Variants in HDAC9 observed in about 807,000 individuals in gnomAD.
HDAC9 encodes the protein MEF-2 interacting transcription repressor (MITR) protein.
A neutral mutation model predicts 139.4 loss-of-function variants in HDAC9; 41 were observed. The observed-to-expected ratio is 0.29, with a 90% CI of 0.23 to 0.38. The LOEUF (loss-of-function observed/expected upper bound fraction) is 0.38, where lower values mean the gene tolerates loss of function less well. Among genes scored for constraint, HDAC9 ranks in the 10% least tolerant of loss-of-function variants. The pLI, the probability that HDAC9 is intolerant of heterozygous loss-of-function variation, is 1.00. For synonymous variants in HDAC9, 517 were observed against 476.2 expected, an observed-to-expected ratio of 1.09 and a Z score of -1.12; for missense variants, 1,147 against 1,297.0, an observed-to-expected ratio of 0.88 and a Z score of 1.78.
intron 2 of HDAC9, among the ~76,000 whole-genome samples, chr7:18,228,573 A>G (rs180748118): frequency 6.6e-6 from 1 of 152,314 alleles, no homozygotes; most frequent in Admixed American, 6.5e-5. Context: ...GGTGAGACCA[A>G]GAAGTGAGAA....
intron 1 of HDAC9, among the ~76,000 whole-genome samples, chr7:18,454,180 C>G (rs773736952): frequency 1.3e-5 from 2 of 151,976 alleles, no homozygotes; most frequent in African/African-American, 4.8e-5. Context: ...TTAATCTTAT[C>G]AAAATACTGG....
chr7:18,186,425 A>G (rs1219132380), intron 2 of HDAC9, among the ~76,000 whole-genome samples: 1 of 152,270 alleles, frequency 6.6e-6, no homozygotes, highest in African/African-American at 2.4e-5. Flanking sequence ...GACTTGTGGT[A>G]GGATGGTGCT....
chr7:18,328,259 C>T (rs1411330059), intron 1 of HDAC9, among the ~76,000 whole-genome samples: 1 of 151,838 alleles, frequency 6.6e-6, no homozygotes, highest in African/African-American at 2.4e-5. Flanking sequence ...TGCCTTTACT[C>T]GTTTATTGAA....
intron 1 of HDAC9, among the ~76,000 whole-genome samples, chr7:18,453,122 T>G (rs1793032831): frequency 6.6e-6 from 1 of 152,204 alleles, no homozygotes; most frequent in South Asian, 2.1e-4. Context: ...CTTAGGAACT[T>G]CTCTAATTGT....
At chr7:18,135,484 G>T (rs1785330581) in intron 1 of HDAC9, among the ~76,000 whole-genome samples, 1 of 125,148 alleles carries the variant, frequency 8.0e-6, no homozygotes, top group Non-Finnish European at 1.6e-5. Flanking sequence ...CCCAGAGTGT[G>T]ATATTCCCCT....
intron 2 of HDAC9, among the ~76,000 whole-genome samples, chr7:18,570,198 A>G (rs550922363): frequency 1.3e-5 from 2 of 152,334 alleles, no homozygotes; most frequent in East Asian, 3.9e-4. Flanking sequence ...AAAAACAAAA[A>G]AAAATGCTAA....
chr7:18,291,678 A>G (rs1420209611), intron 1 of HDAC9, among the ~76,000 whole-genome samples: 2 of 152,078 alleles, frequency 1.3e-5, no homozygotes, highest in African/African-American at 2.4e-5. Context: ...AAAAGTCTCC[A>G]TTGAGATATC....
intron 1 of HDAC9, among the ~76,000 whole-genome samples, chr7:18,307,130 TGTGTGTGTG>T (rs1562861093): frequency 3.6e-4 from 54 of 151,634 alleles, no homozygotes; most frequent in African/African-American, 1.2e-3. Flanking sequence ...TGTGTGTGTG[TGTGTGTGTG>T]TGTGTTTGTA....
At chr7:18,397,546 T>TCCCATC (rs929803145) in intron 1 of HDAC9, among the ~76,000 whole-genome samples, 9 of 152,168 alleles carry the variant, frequency 5.9e-5, no homozygotes, top group Non-Finnish European at 1.3e-4. Context: ...ACATTTAGCT[T>TCCCATC]CCCATCCTCC....
At chr7:18,128,013 A>G (rs1306819343) in intron 1 of HDAC9, among the ~76,000 whole-genome samples, 1 of 152,136 alleles carries the variant, frequency 6.6e-6, no homozygotes, top group African/African-American at 2.4e-5. Context: ...CTTTTACAAT[A>G]CAATTTTTAT....
upstream of HDAC9, among the ~76,000 whole-genome samples, chr7:18,492,212 A>T (rs538046644): frequency 1.3e-5 from 2 of 152,024 alleles, no homozygotes; most frequent in South Asian, 2.1e-4. Flanking sequence ...GACCTAAGGG[A>T]TTTAGACCTT....
intron 25 of HDAC9, among the ~76,000 whole-genome samples, chr7:18,989,436 T>G (rs1223173350): frequency 2.6e-5 from 4 of 152,002 alleles, no homozygotes; most frequent in Admixed American, 6.6e-5. Context: ...CTTAGTCTGA[T>G]GGGCTTCCCT....
chr7:18,291,780 G>A (rs1282519516), intron 1 of HDAC9, among the ~76,000 whole-genome samples: 1 of 152,146 alleles, frequency 6.6e-6, no homozygotes, highest in East Asian at 1.9e-4. Flanking sequence ...AGTTATCTGA[G>A]GTTGTCTTGC....
chr7:18,391,577 C>T (rs922834138), intron 1 of HDAC9, among the ~76,000 whole-genome samples: 1 of 152,176 alleles, frequency 6.6e-6, no homozygotes, highest in Non-Finnish European at 1.5e-5. Context: ...GTTCACATAA[C>T]ATATTAACAT....
chr7:18,744,850 T>C (rs372818484), intron 13 of HDAC9, among the ~76,000 whole-genome samples: 1 of 152,138 alleles, frequency 6.6e-6, no homozygotes, highest in Non-Finnish European at 1.5e-5. Flanking sequence ...GGATTTCTTG[T>C]ATGTAAAAAA....
intron 22 of HDAC9, among the ~76,000 whole-genome samples, chr7:18,888,295 G>C (rs1304851094): frequency 1.3e-5 from 2 of 152,090 alleles, no homozygotes; most frequent in African/African-American, 4.8e-5. Context: ...CGTGGTGGCG[G>C]GCGCCTGTAG....
intron 6 of HDAC9, among the ~76,000 whole-genome samples, chr7:18,604,019 C>A (rs1834709473): frequency 6.6e-6 from 1 of 151,916 alleles, no homozygotes; most frequent in Non-Finnish European, 1.5e-5. Flanking sequence ...TAAAGTTTTT[C>A]TTTTTTTCTA....
At chr7:18,492,278 T>C (rs980572187), upstream of HDAC9, among the ~76,000 whole-genome samples, 3 of 151,986 alleles carry the variant, frequency 2.0e-5, no homozygotes, top group Admixed American at 6.6e-5. Context: ...TGTGGGATTG[T>C]GTCTTTCAGG....
chr7:18,919,769 T>A (rs540036241), intron 22 of HDAC9, among the ~76,000 whole-genome samples: 8 of 151,990 alleles, frequency 5.3e-5, no homozygotes, highest in Non-Finnish European at 1.2e-4. Context: ...CTGACTGTCT[T>A]TTATTTTTGT....
Sources: allele counts gnomAD v4.1 joint callset (sites outside exome capture counted in the v4.1 genomes callset), GRCh38; gene constraint gnomAD v4.1.1; transcripts MANE v1.5; gene names NCBI Gene and HGNC (gene_info 2026-07-23, HGNC 2026-07-21).